The following PTPN2 variants were observed in gnomAD, a reference collection of about 807,000 sequenced individuals.
PTPN2 encodes the protein tyrosine-protein phosphatase non-receptor type 2.
Under a neutral mutation model 57.3 loss-of-function variants are expected in PTPN2, and 19 were observed. The observed-to-expected ratio is 0.33, with a 90% CI of 0.23 to 0.49. The LOEUF is 0.49. Among genes scored for constraint, PTPN2 ranks in the 20% least tolerant of loss-of-function variants. PTPN2 has a pLI of 0.99. For missense variants in PTPN2, 358 were observed against 501.1 expected (o/e 0.71, Z 2.73); for synonymous variants, 153 against 164.9 (o/e 0.93, Z 0.55).
chr18:12,856,924 G>A (rs1451812091), intron 2 of PTPN2, among the ~76,000 whole-genome samples: 2 of 151,846 alleles, frequency 1.3e-5, no homozygotes, highest in African/African-American at 2.4e-5. Context: ...GCCGGGCATG[G>A]TGGTGCACAC....
downstream of PTPN2, among the ~76,000 whole-genome samples, chr18:12,790,444 A>G (rs1459651026): frequency 6.6e-6 from 1 of 152,210 alleles, no homozygotes; most frequent in Non-Finnish European, 1.5e-5. Flanking sequence ...TTGCAGTTGC[A>G]GTCTTCCTTT....
downstream of PTPN2, among the ~76,000 whole-genome samples, chr18:12,790,593 G>A (rs1049874288): frequency 7.2e-5 from 11 of 152,172 alleles, no homozygotes; most frequent in Non-Finnish European, 1.5e-4. Flanking sequence ...AGGGTAATAC[G>A]TAAAGAAAAA....
At chr18:12,867,909 T>C (rs2044046217) in intron 1 of PTPN2, among the ~76,000 whole-genome samples, 1 of 152,212 alleles carries the variant, frequency 6.6e-6, no homozygotes, top group Non-Finnish European at 1.5e-5. Flanking sequence ...CTCTACCTCA[T>C]ACTATTTTGC....
chr18:12,836,309 C>T (rs540926256), intron 3 of PTPN2, among the ~76,000 whole-genome samples: 1 of 152,292 alleles, frequency 6.6e-6, no homozygotes, highest in African/African-American at 2.4e-5. Context: ...GGCCTTGTGG[C>T]TGGGCCTCTG....
At chr18:12,810,704 G>A (rs996376829) in intron 7 of PTPN2, among the ~76,000 whole-genome samples, 1 of 152,186 alleles carries the variant, frequency 6.6e-6, no homozygotes, top group African/African-American at 2.4e-5. Context: ...GTACAGTTTG[G>A]TACAATTTGT....
At chr18:12,811,601 T>A (rs2041891356) in intron 7 of PTPN2, among the ~76,000 whole-genome samples, 1 of 152,000 alleles carries the variant, frequency 6.6e-6, no homozygotes, top group Non-Finnish European at 1.5e-5. Flanking sequence ...GACAGACTCA[T>A]TCATGGCTAT....
chr18:12,869,426 G>T (rs894022022), intron 1 of PTPN2, among the ~76,000 whole-genome samples: 1 of 152,196 alleles, frequency 6.6e-6, no homozygotes, highest in African/African-American at 2.4e-5. Context: ...CTTCCAAAGC[G>T]CTGGTATCAC....
intron 1 of PTPN2, among the ~76,000 whole-genome samples, chr18:12,863,005 A>C (rs888128070): frequency 6.6e-6 from 1 of 152,152 alleles, no homozygotes; most frequent in Non-Finnish European, 1.5e-5. Flanking sequence ...AAAAATAAAC[A>C]ATTTTATAAG....
intron 8 of PTPN2, among the ~76,000 whole-genome samples, chr18:12,798,173 T>C (rs1005167945): frequency 1.3e-5 from 2 of 152,190 alleles, no homozygotes; most frequent in African/African-American, 4.8e-5. Context: ...CACACACACT[T>C]ACATAGGTAC....
chr18:12,795,269 T>C (rs924310456), intron 8 of PTPN2, among the ~76,000 whole-genome samples: 10 of 152,148 alleles, frequency 6.6e-5, no homozygotes, highest in African/African-American at 2.4e-5. Flanking sequence ...CCCATTTTCA[T>C]AGTCAATACA....
At chr18:12,860,362 G>A (rs2043757478) in intron 1 of PTPN2, among the ~76,000 whole-genome samples, 1 of 152,046 alleles carries the variant, frequency 6.6e-6, no homozygotes, top group Non-Finnish European at 1.5e-5. Flanking sequence ...ACTTTGGGAG[G>A]CCGAGGTGGG....
intron 1 of PTPN2, among the ~76,000 whole-genome samples, chr18:12,880,333 C>G (rs2044628180): frequency 6.6e-6 from 1 of 152,252 alleles, no homozygotes; most frequent in Admixed American, 6.5e-5. Flanking sequence ...GTCTTGTGAG[C>G]CGGAGGAGGG....
intron 2 of PTPN2, among the ~76,000 whole-genome samples, chr18:12,858,158 G>A (rs1461839206): frequency 6.6e-6 from 1 of 152,162 alleles, no homozygotes; most frequent in African/African-American, 2.4e-5. Flanking sequence ...AACCTACACA[G>A]GAGATCTTAG....
At chr18:12,815,368 C>T (rs548184810) in intron 6 of PTPN2, among the ~76,000 whole-genome samples, 88 of 151,636 alleles carry the variant, frequency 5.8e-4, no homozygotes, top group Middle Eastern at 3.4e-3. Context: ...GCTGAGATTG[C>T]ACCACTGCAC....
intron 8 of PTPN2, among the ~76,000 whole-genome samples, chr18:12,796,192 C>A (rs1247197509): frequency 6.6e-6 from 1 of 152,034 alleles, no homozygotes; most frequent in East Asian, 1.9e-4. Flanking sequence ...TTAAAGGAGA[C>A]CAAAGAATCA....
intron 2 of PTPN2, among the ~76,000 whole-genome samples, chr18:12,845,790 TC>T (rs2043186477): frequency 6.6e-6 from 1 of 152,228 alleles, no homozygotes; most frequent in African/African-American, 2.4e-5. Context: ...AGAATTTTCT[TC>T]CCAAGTCATG....
chr18:12,846,015 A>T (rs752087078), intron 2 of PTPN2, among the ~76,000 whole-genome samples: 7 of 152,222 alleles, frequency 4.6e-5, no homozygotes, highest in Non-Finnish European at 8.8e-5. Context: ...ACCTTTTGAA[A>T]CTGTAAGTCA....
At chr18:12,881,852 T>C (rs186894719) in intron 1 of PTPN2, among the ~76,000 whole-genome samples, 1 of 152,362 alleles carries the variant, frequency 6.6e-6, no homozygotes, top group Non-Finnish European at 1.5e-5. Flanking sequence ...TCAGCTTACC[T>C]ATTTACAGGG....
downstream of PTPN2, among the ~76,000 whole-genome samples, chr18:12,790,435 T>G (rs1238240786): frequency 6.6e-6 from 1 of 152,212 alleles, no homozygotes; most frequent in Admixed American, 6.5e-5. Context: ...GGAAGTGAGT[T>G]GCAGTTGCAG....
Sources: allele counts gnomAD v4.1 joint callset (sites outside exome capture counted in the v4.1 genomes callset), GRCh38; gene constraint gnomAD v4.1.1; transcripts MANE v1.5; gene names NCBI Gene and HGNC (gene_info 2026-07-23, HGNC 2026-07-21).